The following TENM4 variants were observed in gnomAD, a reference collection of about 807,000 sequenced individuals.
The protein encoded by TENM4 is teneurin-4.
A neutral mutation model predicts 243.3 loss-of-function variants in TENM4; 82 were observed. The observed-to-expected ratio is 0.34, with a 90% CI of 0.28 to 0.40. TENM4 has a LOEUF of 0.40. Ranked by LOEUF, TENM4 falls within the 10% of genes least tolerant of loss-of-function variation. The probability of loss-of-function intolerance (pLI) is 1.00; values close to 1 mark genes in which losing one functional copy is unlikely to be tolerated. For missense variants in TENM4, 3,138 were observed against 3,673.3 expected (o/e 0.85, Z 3.77); for synonymous variants, 1,412 against 1,456.3 (o/e 0.97, Z 0.69).
At chr11:79,396,946 C>T (rs1415369673) in intron 1 of TENM4, among the ~76,000 whole-genome samples, 3 of 152,194 alleles carry the variant, frequency 2.0e-5, no homozygotes, top group Non-Finnish European at 4.4e-5. Context: ...GTCATTGATA[C>T]AAGGGACTCT....
At chr11:79,014,899 C>T (rs967418812) in intron 6 of TENM4, 1 of 152,306 alleles carries the variant, frequency 6.6e-6, no homozygotes, top group Admixed American at 6.5e-5. Context: ...TGCTCTCCTG[C>T]CTGGACATGC....
At chr11:78,875,196 AT>A (rs1308676136) in intron 9 of TENM4, among the ~76,000 whole-genome samples, 1 of 152,024 alleles carries the variant, frequency 6.6e-6, no homozygotes, top group Non-Finnish European at 1.5e-5. Context: ...ATGGATGTTC[AT>A]TTTTCCTTCA....
intron 6 of TENM4, among the ~76,000 whole-genome samples, chr11:78,997,667 G>A (rs1382454606): frequency 1.3e-5 from 2 of 152,142 alleles, no homozygotes; most frequent in Non-Finnish European, 2.9e-5. Flanking sequence ...CCTGAAGTTT[G>A]GCTTTGATGA....
intron 6 of TENM4, among the ~76,000 whole-genome samples, chr11:78,989,674 C>A (rs1402390427): frequency 6.6e-6 from 1 of 152,168 alleles, no homozygotes; most frequent in Non-Finnish European, 1.5e-5. Flanking sequence ...TTCCTTTCGT[C>A]CCAGGTAGAG....
intron 6 of TENM4, among the ~76,000 whole-genome samples, chr11:79,023,436 C>T (rs1164298558): frequency 6.6e-6 from 1 of 151,932 alleles, no homozygotes; most frequent in Non-Finnish European, 1.5e-5. Context: ...GTGGTGTGCA[C>T]CTGTAATCCC....
chr11:79,320,375 G>A (rs188731270), intron 1 of TENM4, among the ~76,000 whole-genome samples: 5 of 152,288 alleles, frequency 3.3e-5, no homozygotes, highest in South Asian at 2.1e-4. Context: ...AGGGCTGCCC[G>A]GCTTTGGTTG....
At chr11:78,688,355 T>C in intron 28 of TENM4, 129 bp from the exon 29 acceptor site, 1 of 1,006,420 alleles carries the variant, frequency 9.9e-7, no homozygotes, top group South Asian at 1.7e-5. Context: ...CATTCCCATG[T>C]CTCCCACATA....
intron 1 of TENM4, among the ~76,000 whole-genome samples, chr11:79,424,962 G>A (rs1424298946): frequency 6.6e-6 from 1 of 152,122 alleles, no homozygotes; most frequent in Non-Finnish European, 1.5e-5. Flanking sequence ...CAGGGGTGCC[G>A]AAGTTGAGAA....
At chr11:79,319,036 A>G (rs1277881099) in intron 1 of TENM4, among the ~76,000 whole-genome samples, 1 of 152,184 alleles carries the variant, frequency 6.6e-6, no homozygotes. Flanking sequence ...GAGAGTGCTG[A>G]AAGCTTTGCC....
At chr11:79,374,162 AC>A in intron 1 of TENM4, among the ~76,000 whole-genome samples, 1 of 152,318 alleles carries the variant, frequency 6.6e-6, no homozygotes, top group East Asian at 1.9e-4. Context: ...CTCTTTGAGG[AC>A]CGAAATCTTC....
chr11:78,823,459 C>A (rs1591050259), intron 12 of TENM4, among the ~76,000 whole-genome samples: 2 of 152,138 alleles, frequency 1.3e-5, no homozygotes, highest in East Asian at 3.8e-4. Flanking sequence ...TAAAATGTAC[C>A]CAGGGAACTT....
intron 1 of TENM4, among the ~76,000 whole-genome samples, chr11:79,346,621 A>G (rs902018213): frequency 1.3e-5 from 2 of 152,154 alleles, no homozygotes; most frequent in Non-Finnish European, 1.5e-5. Flanking sequence ...CTGTTCCCAA[A>G]GCCAAGTTCT....
chr11:78,767,107 A>C (rs1026263256), intron 18 of TENM4, among the ~76,000 whole-genome samples: 1 of 152,214 alleles, frequency 6.6e-6, no homozygotes, highest in Non-Finnish European at 1.5e-5. Flanking sequence ...GAGATCTTAG[A>C]TAACTTGAAG....
chr11:79,219,253 T>C (rs1864113427), intron 2 of TENM4, among the ~76,000 whole-genome samples: 1 of 152,220 alleles, frequency 6.6e-6, no homozygotes, highest in African/African-American at 2.4e-5. Context: ...ATGTGTAAGC[T>C]GTGCAGAGGG....
chr11:78,903,729 C>A, intron 6 of TENM4: 1 of 834,002 alleles, frequency 1.2e-6, no homozygotes, highest in Non-Finnish European at 2.0e-6. Context: ...ACTAAACAGA[C>A]AAAAATTCCC....
Position 78,653,934 on chromosome 11 carries a change from A to G in TENM4, c.*4124T>C, listed in dbSNP as rs1857830435. 6.6e-6 allele frequency: 1 copy of G among 152,240 alleles called. No homozygotes were observed. The highest frequency in any genetic ancestry group is 6.5e-5 in the Admixed American group (1 of 15,288). The allele number at this position is 152,240 out of a possible 1,614,324, so 9.4% of individuals were successfully genotyped here. On this transcript the variant is annotated 3_prime_UTR_variant, in exon 34 of 34. Coordinates refer to ENST00000278550, the MANE Select transcript of TENM4 (RefSeq NM_001098816.3). ...TGGTTTTTGTGAATGTGAAGGTTGG[A>G]GAGGATAAGGTTTCTCTCTATCACC...
chr11:79,280,967 A>C (rs1328540799), intron 2 of TENM4, among the ~76,000 whole-genome samples: 1 of 152,212 alleles, frequency 6.6e-6, no homozygotes, highest in African/African-American at 2.4e-5. Flanking sequence ...AGATTTCTAA[A>C]AGGTCACAGT....
At chr11:79,430,832 A>G (rs1859152244) in intron 1 of TENM4, among the ~76,000 whole-genome samples, 1 of 152,174 alleles carries the variant, frequency 6.6e-6, no homozygotes, top group Non-Finnish European at 1.5e-5. Flanking sequence ...ATCACCTACT[A>G]CATGTAGAAA....
chr11:78,756,964 T>C lies in TENM4; in HGVS notation c.2597A>G (p.Asn866Ser), dbSNP rs760415394. ...GTTAGGGGAGCCAAGGCACAGCGGG[T>C]TGATATGGCACAGGGGCTGGAGGCA... ...DCCLQPLCHI[N>S]PLCLGSPNPL... Residue 866 changes from asparagine to serine, a missense_variant, in exon 19 of 34, where the codon AAC becomes AGC. Around this residue, in one of 2 missense-constraint regions of TENM4, gnomAD observed 2,467 missense variants for 3,059.1 expected, o/e 0.81. Transcript: ENST00000278550. 1.8e-5 allele frequency: 29 copies of C among 1,613,778 alleles called. No homozygotes were observed. In the African/African-American group the frequency reaches 3.3e-4, roughly 19 times the overall value.
Sources: gnomAD v4.1 joint callset for allele counts (sites outside exome capture counted in the v4.1 genomes callset) on GRCh38, gnomAD v4.1.1 for gene constraint, gnomAD v4.1.1 regional missense constraint, MANE v1.5 for transcripts, NCBI Gene and HGNC (gene_info 2026-07-23, HGNC 2026-07-21) for gene names.